HSPA9: variants seen among roughly 807,000 people sequenced by gnomAD.
HSPA9 encodes heat shock protein family A (Hsp70) member 9, also known as stress-70 protein, mitochondrial.
A neutral mutation model predicts 81.5 loss-of-function variants in HSPA9; 28 were observed. That is an observed-to-expected ratio of 0.34 (90% confidence interval 0.25 to 0.47). The LOEUF (loss-of-function observed/expected upper bound fraction) is 0.47, where lower values mean the gene tolerates loss of function less well. HSPA9 is among the 20% of genes least tolerant of loss of function. The pLI, the probability that HSPA9 is intolerant of heterozygous loss-of-function variation, is 1.00. For synonymous variants in HSPA9, 293 were observed against 290.4 expected, an observed-to-expected ratio of 1.01 and a Z score of -0.09; for missense variants, 678 against 838.0, an observed-to-expected ratio of 0.81 and a Z score of 2.36.
At chr5:138,573,878 G>T in intron 2 of HSPA9, 28 bp from the exon 3 acceptor site, 1 of 1,557,572 alleles carries the variant, frequency 6.4e-7, no homozygotes, top group Non-Finnish European at 8.9e-7. Flanking sequence ...CAGTGTCACA[G>T]CTATTGTTAT....
chr5:138,558,036 G>T, intron 12 of HSPA9, 50 bp from the exon 13 acceptor site: 1 of 1,163,232 alleles, frequency 8.6e-7, no homozygotes, highest in Non-Finnish European at 1.3e-6. Context: ...GGGGTCCAGT[G>T]CTATTATTTC....
At position 138,575,293 on chromosome 5, in the gene HSPA9, G is replaced by A. The variant is rs770215061; in HGVS notation, c.26C>T (p.Ala9Val). The change falls in exon 1 of 17, where the codon GCA (alanine) becomes GTA (valine). Residue 9 changes from alanine to valine, a missense_variant. Ala to Val is a moderately conservative substitution (Grantham distance 64). Coordinates refer to ENST00000297185, the MANE Select transcript of HSPA9 (RefSeq NM_004134.7). MISASRAA[A>V]ARLVGAAASR... ...GGCTGCGGCGCCCACGAGACGGGCT[G>A]CTGCAGCTCGGCTGGCACTTATCAT... is the stretch of plus-strand genomic sequence containing the variant. 4 of 1,612,032 alleles carry A rather than the reference G, an allele frequency of 2.5e-6. No individual in the cohort carries two copies. The highest frequency in any genetic ancestry group is 3.4e-6 in the Non-Finnish European group (4 of 1,179,578).
chr5:138,564,562 C>T (rs552662363), intron 9 of HSPA9, among the ~76,000 whole-genome samples: 5 of 152,296 alleles, frequency 3.3e-5, no homozygotes, highest in Non-Finnish European at 7.3e-5. Flanking sequence ...TGGTGTAGTG[C>T]ACCACGCCCA....
chr5:138,575,177 C>A, intron 1 of HSPA9, 61 bp downstream of exon 1: 7 of 1,215,862 alleles, frequency 5.8e-6, no homozygotes, highest in South Asian at 3.8e-5. Context: ...CCTGCCGCAG[C>A]GAAGCCCGAG....
intron 10 of HSPA9, chr5:138,560,803 C>T (rs1029522275): frequency 2.5e-6 from 1 of 392,224 alleles, no homozygotes; most frequent in Non-Finnish European, 4.9e-6. Context: ...CCGCCTTGGC[C>T]TCCCAAAGTG....
chr5:138,568,874 C>G, intron 5 of HSPA9, 51 bp downstream of exon 5: 4 of 1,599,012 alleles, frequency 2.5e-6, no homozygotes, highest in Non-Finnish European at 3.4e-6. Flanking sequence ...AGTGATCTCA[C>G]AGGAATCATT....
chr5:138,560,195 G>T, intron 10 of HSPA9, 104 bp from the exon 11 acceptor site: 1 of 792,274 alleles, frequency 1.3e-6, no homozygotes, highest in African/African-American at 1.7e-5. Flanking sequence ...CTCAAGACAG[G>T]CTAACTCAAA....
intron 13 of HSPA9, 32 bp downstream of exon 13, chr5:138,557,837 A>AC (rs1157002758): frequency 1.5e-6 from 2 of 1,334,228 alleles, no homozygotes; most frequent in Non-Finnish European, 2.2e-6. Flanking sequence ...CCCTCACCTC[A>AC]CTCTTAGGGT....
intron 9 of HSPA9, among the ~76,000 whole-genome samples, chr5:138,563,534 C>A (rs928419143): frequency 6.6e-6 from 1 of 152,182 alleles, no homozygotes; most frequent in African/African-American, 2.4e-5. Context: ...CAACAGCCCC[C>A]CTACACCCAC....
intron 3 of HSPA9, 66 bp from the exon 4 acceptor site, chr5:138,571,207 G>A: frequency 6.8e-7 from 1 of 1,471,868 alleles, no homozygotes; most frequent in Non-Finnish European, 9.4e-7. Context: ...TTGAGATGGA[G>A]TCTCACTCTG....
chr5:138,569,592 G>C (rs1393572610), intron 4 of HSPA9, among the ~76,000 whole-genome samples: 1 of 152,178 alleles, frequency 6.6e-6, no homozygotes, highest in African/African-American at 2.4e-5. Context: ...GCTACAACAT[G>C]GATGAACCTT....
In HSPA9 at chr5:138,570,578, C is replaced by T. The variant is rs41295709; in HGVS notation, c.410+382G>A. On this transcript the variant is annotated intron_variant, in intron 4 of 16. Coordinates refer to ENST00000297185, the MANE Select transcript of HSPA9 (RefSeq NM_004134.7). ...TCGGCTCACCGCAACCACCGTCTCC[C>T]GGGTTCAAGTGATTCTCCCGTCTCA... Among the ~76,000 whole-genome samples, 601 of 152,214 alleles carry T rather than the reference C, an allele frequency of 3.9e-3. 4 individuals carry two copies. Among genetic ancestry groups the T allele is most frequent in the African/African-American group, 0.013 (539 of 41,514 alleles).
intron 3 of HSPA9, 135 bp downstream of exon 3, chr5:138,573,628 T>C (rs1249789895): frequency 1.3e-5 from 8 of 604,692 alleles, no homozygotes; most frequent in Middle Eastern, 4.6e-4. Flanking sequence ...CCATGGGCTA[T>C]AGAGACTGTC....
At chr5:138,556,366 G>T in intron 16 of HSPA9, 86 bp downstream of exon 16, 1 of 1,456,252 alleles carries the variant, frequency 6.9e-7, no homozygotes, top group African/African-American at 1.4e-5. Flanking sequence ...TCCACAAATG[G>T]CTATGGAGGG....
At chr5:138,566,971 G>A (rs1750781098) in intron 8 of HSPA9, 30 bp downstream of exon 8, 4 of 1,585,398 alleles carry the variant, frequency 2.5e-6, no homozygotes, top group South Asian at 2.2e-5. Flanking sequence ...ATATCCCAAC[G>A]TCTACATATT....
chr5:138,570,497 T>C (rs1010148520), intron 4 of HSPA9, among the ~76,000 whole-genome samples: 1 of 152,180 alleles, frequency 6.6e-6, no homozygotes, highest in South Asian at 2.1e-4. Context: ...AAAATGAATT[T>C]TTTTCTTTTG....
At position 138,555,828 on chromosome 5, in the gene HSPA9, T is replaced by C; in HGVS notation, c.*209A>G. The C allele has an allele frequency of 1.7e-6, 1 of 596,304 alleles. No individual in the cohort carries two copies. Among genetic ancestry groups the C allele is most frequent in the Non-Finnish European group, 3.0e-6 (1 of 336,796 alleles). The allele number at this position is 596,304 out of a possible 1,614,324, so 36.9% of individuals were successfully genotyped here. ...GCTGAAAAATGACAGGCTAGGGACATAGAATATTGTGAACTTTATACTGTT... is the reference window on the plus strand; with the variant it reads ...GCTGAAAAATGACAGGCTAGGGACACAGAATATTGTGAACTTTATACTGTT... On this transcript the variant is annotated 3_prime_UTR_variant, in exon 17 of 17. Coordinates refer to ENST00000297185, the MANE Select transcript of HSPA9 (RefSeq NM_004134.7).
In HSPA9 at chr5:138,559,975, C is replaced by A. The variant is rs61755727; in HGVS notation, c.1299G>T (p.Thr433=). 1.9e-6 allele frequency: 3 copies of A among 1,614,072 alleles called. No individual in the cohort carries two copies. Among genetic ancestry groups the A allele is most frequent in the Non-Finnish European group, 2.5e-6 (3 of 1,179,996 alleles). ...IQGGVLAGDV[T]DVLLLDVTPL... ...GAGTGACATCAAGGAGCAGCACATC[C>A]GTGACATCGCCGGCCAACACACCTC... is the stretch of plus-strand genomic sequence containing the variant. Residue 433 remains threonine (T), a synonymous_variant, in exon 11 of 17, where the codon ACG becomes ACT. Transcript: ENST00000297185.
intron 3 of HSPA9, among the ~76,000 whole-genome samples, chr5:138,572,687 C>A (rs538843248): frequency 3.3e-5 from 5 of 152,264 alleles, no homozygotes; most frequent in African/African-American, 9.6e-5. Context: ...TCTGAAATAA[C>A]CTGAACTGTC....
Sources: allele counts gnomAD v4.1 joint callset (sites outside exome capture counted in the v4.1 genomes callset), GRCh38; gene constraint gnomAD v4.1.1; transcripts MANE v1.5; gene names NCBI Gene and HGNC (gene_info 2026-07-23, HGNC 2026-07-21).